TECTA: variants seen among roughly 807,000 people sequenced by gnomAD.
The protein encoded by TECTA is alpha-tectorin.
Under a neutral mutation model 216.8 loss-of-function variants are expected in TECTA, and 128 were observed. That is an observed-to-expected ratio of 0.59 (90% CI 0.51 to 0.68). The LOEUF is 0.68. TECTA is among the 30% of genes least tolerant of loss of function. TECTA has a pLI of 0.00. For missense variants in TECTA, 2,551 were observed against 2,786.2 expected (o/e 0.92, Z 1.90); for synonymous variants, 1,089 against 1,117.1 (o/e 0.97, Z 0.50).
At chr11:121,174,908 A>G (rs1310528) in intron 20 of TECTA, among the ~76,000 whole-genome samples, 70,094 of 151,942 alleles carry the variant, frequency 0.46, 18,856 homozygotes, top group African/African-American at 0.75. Flanking sequence ...CTTCTTCCTG[A>G]TTTAGTCTTG....
At chr11:121,118,235 C>T in intron 6 of TECTA, 71 bp from the exon 7 acceptor site, 1 of 1,581,828 alleles carries the variant, frequency 6.3e-7, no homozygotes, top group Non-Finnish European at 8.6e-7. Flanking sequence ...GGAAGTAAAG[C>T]ATTTAGCCCA....
At position 121,174,748 on chromosome 11, in the gene TECTA, A is replaced by G. The variant is rs1020992622; in HGVS notation, c.5999+5823A>G. On this transcript the variant is annotated intron_variant, in intron 20 of 23. Transcript: ENST00000392793. ...ATTCCCTCTTTTTCTATTGATTGGA[A>G]TAGTTTCAGAAGGAATGGTACCAGT... Among the ~76,000 whole-genome samples, 1,456 of 152,270 alleles carry G rather than the reference A, an allele frequency of 9.6e-3. 21 individuals are homozygous for G. The highest frequency in any genetic ancestry group is 0.033 in the African/African-American group (1,388 of 41,546).
At chr11:121,109,597 G>A in intron 4 of TECTA, 99 bp downstream of exon 4, 5 of 1,447,088 alleles carry the variant, frequency 3.5e-6, no homozygotes, top group Non-Finnish European at 3.8e-6. Flanking sequence ...GAGCTAAGGA[G>A]TGTCAGTTCC....
At chr11:121,136,496 A>T (rs1946728475) in intron 10 of TECTA, among the ~76,000 whole-genome samples, 1 of 152,196 alleles carries the variant, frequency 6.6e-6, no homozygotes, top group Admixed American at 6.5e-5. Flanking sequence ...CTACAAGCCA[A>T]TTTGCAGAGT....
chr11:121,184,720 C>T (rs1947263628), intron 20 of TECTA, among the ~76,000 whole-genome samples: 2 of 152,154 alleles, frequency 1.3e-5, no homozygotes, highest in South Asian at 2.1e-4. Flanking sequence ...CAAGACACAC[C>T]GACTCCCTAA....
Position 121,178,034 on chromosome 11 carries a change from G to T in TECTA, c.5999+9109G>T, listed in dbSNP as rs181347135. Among the ~76,000 whole-genome samples the T allele has an allele frequency of 5.8e-3, 878 of 152,356 alleles. 6 individuals carry two copies. The highest frequency in any genetic ancestry group is 0.044 in the Middle Eastern group (13 of 294). The stretch of plus-strand genomic sequence containing the variant: ...GCTGTTTTTTAAGCCCGTCGGAAAA[G>T]CGCAGTATTGGGGTGGGAGTGACCT... On this transcript the variant is annotated intron_variant, in intron 20 of 23. Coordinates refer to ENST00000392793, the MANE Select transcript of TECTA (RefSeq NM_005422.4).
Position 121,113,325 on chromosome 11 carries a change from G to A in TECTA, c.624+116G>A, listed in dbSNP as rs992012986. 2 of 1,569,998 alleles carry A rather than the reference G, an allele frequency of 1.3e-6. No homozygotes were observed. Among genetic ancestry groups the A allele is most frequent in the Non-Finnish European group, 1.7e-6 (2 of 1,150,484 alleles). ...AGCTTTTAACTAGAGACGCAGGTCT[G>A]ATCTCGCAGGTGGACTACGAGGCTA... On this transcript the variant is annotated intron_variant, in intron 5 of 23. Coordinates refer to ENST00000392793, the MANE Select transcript of TECTA (RefSeq NM_005422.4). This position sits in a 1 kb window ranked among gnomAD's most constrained non-coding sequence, Gnocchi z 4.2.
At position 121,190,930 on chromosome 11, in the gene TECTA, C is replaced by A; in HGVS notation, c.*124C>A. Reference sequence around the variant, plus strand: ...GTCCAGCATCTCAAAATGATGCCACCTGCCTCCAATGGTCCAAGGTCCAGA... The same window carrying A: ...GTCCAGCATCTCAAAATGATGCCACATGCCTCCAATGGTCCAAGGTCCAGA... On this transcript the variant is annotated 3_prime_UTR_variant, in exon 24 of 24. Transcript: ENST00000392793. 1 of 755,000 alleles carries A rather than the reference C, an allele frequency of 1.3e-6. No homozygotes were observed. Among genetic ancestry groups the A allele is most frequent in the Non-Finnish European group, 2.2e-6 (1 of 447,736 alleles). 46.8% of individuals were successfully genotyped at this position (755,000 alleles called of 1,614,324 possible).
In TECTA at chr11:121,125,381, C is replaced by A; in HGVS notation, c.1283C>A (p.Ala428Asp). Residue 428 changes from alanine to aspartate, a missense_variant, in exon 8 of 24, where the codon GCC (alanine) becomes GAC (aspartate). Ala to Asp is a moderately radical substitution (Grantham distance 126). Coordinates refer to ENST00000392793, the MANE Select transcript of TECTA (RefSeq NM_005422.4). ...VKIYQSGIST[A>D]VETDFGLLVT... The stretch of plus-strand genomic sequence containing the variant: ...ATCTACCAGAGTGGCATATCTACTG[C>A]CGTGGAAACAGATTTTGGGCTCTTA... The A allele has an allele frequency of 6.2e-7, 1 of 1,614,192 alleles. No individual in the cohort carries two copies. The highest frequency in any genetic ancestry group is 8.5e-7 in the Non-Finnish European group (1 of 1,180,050).
chr11:121,117,415 A>G (rs597345), intron 6 of TECTA, among the ~76,000 whole-genome samples: 59,732 of 152,126 alleles, frequency 0.39, 13,242 homozygotes, highest in Non-Finnish European at 0.5. Flanking sequence ...ACGTGTTTCT[A>G]TTTCAATTAA....
At position 121,174,149 on chromosome 11, in the gene TECTA, G is replaced by T. The variant is rs1057051117; in HGVS notation, c.5999+5224G>T. Among the ~76,000 whole-genome samples the T allele has an allele frequency of 3.3e-5, 5 of 152,248 alleles. No individual in the cohort carries two copies. In the East Asian group the frequency reaches 7.7e-4, roughly 23 times the overall value. ...TGTCATCTGCAAACAGGGACAATTT[G>T]TCTTCCTCTTTTCCTAATTGAATAC... On this transcript the variant is annotated intron_variant, in intron 20 of 23. Transcript: ENST00000392793.
chr11:121,118,190 C>T (rs924762993), intron 6 of TECTA, 116 bp from the exon 7 acceptor site: 1 of 1,365,380 alleles, frequency 7.3e-7, no homozygotes, highest in Admixed American at 2.0e-5. Flanking sequence ...CCATACCTCC[C>T]TAACAGGGTT....
chr11:121,113,324 T>C lies in TECTA; in HGVS notation c.624+115T>C. ...CAGCTTTTAACTAGAGACGCAGGTC[T>C]GATCTCGCAGGTGGACTACGAGGCT... On this transcript the variant is annotated intron_variant, in intron 5 of 23. Coordinates refer to ENST00000392793, the MANE Select transcript of TECTA (RefSeq NM_005422.4). This position sits in a 1 kb window ranked among gnomAD's most constrained non-coding sequence, Gnocchi z 4.2. The C allele has an allele frequency of 1.1e-5, 18 of 1,575,526 alleles. No homozygotes were observed. In the South Asian group the frequency reaches 1.9e-4, roughly 17 times the overall value.
chr11:121,163,233 A>G (rs919780682), intron 16 of TECTA, among the ~76,000 whole-genome samples: 6 of 152,174 alleles, frequency 3.9e-5, no homozygotes, highest in African/African-American at 1.2e-4. Flanking sequence ...TTCAGAGCCT[A>G]AAAACAATGC....
rs73601404 is a variant in TECTA at position 121,120,058 on chromosome 11, C to A, written c.1203+1340C>A. Among the ~76,000 whole-genome samples, 907 of 152,282 alleles carry A rather than the reference C, an allele frequency of 6.0e-3. 7 individuals are homozygous for A. The highest frequency in any genetic ancestry group is 0.02 in the African/African-American group (822 of 41,554). On this transcript the variant is annotated intron_variant, in intron 7 of 23. Transcript: ENST00000392793. ...TTTTCACTAGCTTCCCCCTACTTTC[C>A]TGTATTTGGGGATGATGTGTATATC...
intron 10 of TECTA, 86 bp from the exon 11 acceptor site, chr11:121,137,335 C>G (rs2135095475): frequency 6.4e-7 from 1 of 1,557,508 alleles, no homozygotes; most frequent in Non-Finnish European, 8.8e-7. Flanking sequence ...AACACACATG[C>G]ACTCATACAC....
intron 3 of TECTA, 72 bp downstream of exon 3, chr11:121,106,036 A>G (rs1946387280): frequency 1.2e-6 from 2 of 1,610,986 alleles, no homozygotes; most frequent in African/African-American, 1.3e-5. Context: ...AAGCATTTTA[A>G]GTATCCTCTT....
intron 6 of TECTA, among the ~76,000 whole-genome samples, chr11:121,116,215 A>C (rs1946499841): frequency 6.6e-6 from 1 of 152,134 alleles, no homozygotes; most frequent in African/African-American, 2.4e-5. Flanking sequence ...TTGAGATTGT[A>C]CCCTCCTCCC....
rs1946464741 is a variant in TECTA at position 121,113,502 on chromosome 11, C to G, written c.625-51C>G. Reference sequence around the variant, plus strand: ...AAAATAAGGTAGTTGGGCCAGTTAACCCATGGGGAATTTTTGTACTCAAAA... The same window carrying G: ...AAAATAAGGTAGTTGGGCCAGTTAAGCCATGGGGAATTTTTGTACTCAAAA... On this transcript the variant is annotated intron_variant, in intron 5 of 23. Coordinates refer to ENST00000392793, the MANE Select transcript of TECTA (RefSeq NM_005422.4). The surrounding 1 kb of genome is among the most constrained non-coding windows in gnomAD (Gnocchi z 4.2). 1.1e-5 allele frequency: 17 copies of G among 1,611,742 alleles called. No individual in the cohort carries two copies. Among genetic ancestry groups the G allele is most frequent in the Non-Finnish European group, 1.4e-5 (17 of 1,178,044 alleles).
Sources: gnomAD v4.1 joint callset for allele counts (sites outside exome capture counted in the v4.1 genomes callset) on GRCh38, gnomAD v4.1.1 for gene constraint, Gnocchi (gnomAD v3.1) non-coding constraint, MANE v1.5 for transcripts, NCBI Gene and HGNC (gene_info 2026-07-23, HGNC 2026-07-21) for gene names.